Variants in ARHGEF3 observed in about 807,000 individuals in gnomAD.
The protein encoded by ARHGEF3 is 59.8 kDA protein.
ARHGEF3 carries 28 observed loss-of-function variants against 63.2 expected under a neutral mutation model. The observed-to-expected ratio is 0.44, with a 90% confidence interval of 0.33 to 0.61. The LOEUF is 0.61. ARHGEF3 is among the 20% of genes least tolerant of loss of function. The probability of loss-of-function intolerance (pLI) is 0.03; values close to 1 mark genes in which losing one functional copy is unlikely to be tolerated. For missense variants in ARHGEF3, 533 were observed against 659.3 expected (o/e 0.81, Z 2.10); for synonymous variants, 266 against 254.2 (o/e 1.05, Z -0.44).
intron 2 of ARHGEF3, among the ~76,000 whole-genome samples, chr3:56,996,680 A>G (rs1425740989): frequency 1.3e-5 from 2 of 152,090 alleles, no homozygotes; most frequent in Non-Finnish European, 2.9e-5. Context: ...TCTCTTTATG[A>G]TGTATTGCTA....
chr3:56,772,505 G>A (rs2107835910), intron 2 of ARHGEF3, among the ~76,000 whole-genome samples: 1 of 152,312 alleles, frequency 6.6e-6, no homozygotes, highest in Admixed American at 6.5e-5. Context: ...ATACATGGCA[G>A]ACTCAAGACT....
chr3:56,867,654 A>T (rs1365777967), intron 4 of ARHGEF3, among the ~76,000 whole-genome samples: 1 of 151,984 alleles, frequency 6.6e-6, no homozygotes, highest in African/African-American at 2.4e-5. Context: ...TATTTTTCAT[A>T]GAGACAGGGT....
chr3:56,845,677 C>T (rs1311338721), intron 4 of ARHGEF3, among the ~76,000 whole-genome samples: 1 of 152,144 alleles, frequency 6.6e-6, no homozygotes, highest in Non-Finnish European at 1.5e-5. Flanking sequence ...AGTCAGCAGG[C>T]CCTAACTTCA....
intron 3 of ARHGEF3, among the ~76,000 whole-genome samples, chr3:56,945,275 A>G (rs1345030219): frequency 2.0e-5 from 3 of 152,064 alleles, no homozygotes; most frequent in South Asian, 4.2e-4. Flanking sequence ...TGGGTGCAGG[A>G]CAGTGGATGC....
At chr3:56,741,334 C>T (rs1428434215) in intron 7 of ARHGEF3, among the ~76,000 whole-genome samples, 2 of 150,106 alleles carry the variant, frequency 1.3e-5, no homozygotes, top group African/African-American at 2.5e-5. Flanking sequence ...TACAGGCATG[C>T]ACCACCATGC....
At chr3:56,971,717 G>A (rs1240471475) in intron 2 of ARHGEF3, among the ~76,000 whole-genome samples, 4 of 151,956 alleles carry the variant, frequency 2.6e-5, no homozygotes, top group Non-Finnish European at 5.9e-5. Context: ...TAGTGGGCAT[G>A]GTGGCGGGCA....
chr3:56,758,900 CA>C, intron 2 of ARHGEF3, among the ~76,000 whole-genome samples: 1 of 152,278 alleles, frequency 6.6e-6, no homozygotes, highest in South Asian at 2.1e-4. Flanking sequence ...GAAACACACA[CA>C]AAAACTTCAA....
At chr3:57,037,983 G>A (rs1032284853) in intron 1 of ARHGEF3, among the ~76,000 whole-genome samples, 2 of 152,276 alleles carry the variant, frequency 1.3e-5, no homozygotes, top group East Asian at 1.9e-4. Context: ...AAGGATGCCC[G>A]AGGGCCTGAC....
At chr3:56,957,853 A>G (rs1244663342) in intron 3 of ARHGEF3, among the ~76,000 whole-genome samples, 2 of 152,192 alleles carry the variant, frequency 1.3e-5, no homozygotes, top group Non-Finnish European at 2.9e-5. Context: ...CTACAGATGC[A>G]AGTTTTGCTC....
intron 3 of ARHGEF3, among the ~76,000 whole-genome samples, chr3:56,934,907 T>C (rs2042517281): frequency 2.0e-5 from 3 of 152,220 alleles, no homozygotes; most frequent in South Asian, 4.1e-4. Context: ...CGGGATCCAC[T>C]AGGTGAAGCC....
intron 1 of ARHGEF3, among the ~76,000 whole-genome samples, chr3:56,796,375 T>C (rs79441030): frequency 0.011 from 1,730 of 152,272 alleles, 73 homozygotes; most frequent in East Asian, 0.1. Flanking sequence ...ACAGAAGGCT[T>C]GTGGTTAATA....
intron 2 of ARHGEF3, among the ~76,000 whole-genome samples, chr3:57,002,514 G>GTTATATATATATATATA (rs1702285956): frequency 2.1e-5 from 1 of 47,836 alleles, no homozygotes; most frequent in Non-Finnish European, 4.6e-5. Context: ...ATATATATAT[G>GTTATATATATATATATA]TTATATATGT....
chr3:57,046,786 G>T (rs1278415489), intron 1 of ARHGEF3, among the ~76,000 whole-genome samples: 1 of 152,168 alleles, frequency 6.6e-6, no homozygotes, highest in East Asian at 1.9e-4. Context: ...TGTGGGGCCT[G>T]TACAGGGAGT....
chr3:57,045,871 C>G (rs1704431297), intron 1 of ARHGEF3, among the ~76,000 whole-genome samples: 1 of 152,176 alleles, frequency 6.6e-6, no homozygotes, highest in Non-Finnish European at 1.5e-5. Flanking sequence ...GATCCTGCAC[C>G]AAACAGGGCA....
intron 4 of ARHGEF3, among the ~76,000 whole-genome samples, chr3:56,863,118 A>G (rs2040133296): frequency 6.6e-6 from 1 of 152,006 alleles, no homozygotes; most frequent in African/African-American, 2.4e-5. Context: ...ATCTCCTATT[A>G]TTAAACCAAC....
At chr3:56,842,970 T>G (rs1481079949) in intron 4 of ARHGEF3, among the ~76,000 whole-genome samples, 1 of 152,196 alleles carries the variant, frequency 6.6e-6, no homozygotes, top group Admixed American at 6.5e-5. Context: ...TTCAATATTT[T>G]ACTTAAAAAA....
chr3:56,896,080 A>C (rs934222123), intron 3 of ARHGEF3, among the ~76,000 whole-genome samples: 13 of 152,192 alleles, frequency 8.5e-5, no homozygotes, highest in Non-Finnish European at 1.8e-4. Context: ...AGATTCCCTG[A>C]AGAGGAACAA....
In ARHGEF3 at chr3:56,907,512, A is replaced by C. The variant is rs924069980; in HGVS notation, c.130-25158T>G. 2.6e-5 allele frequency among the ~76,000 whole-genome samples: 4 copies of C among 152,228 alleles called. No individual in the cohort carries two copies. The East Asian group carries it at 7.7e-4, about 29-fold the overall frequency. Reference sequence around the variant, plus strand: ...TATCATTCAACCCAGCAATCCCATTACTGGGTATATACCCAAAGGGATATA... The same window carrying C: ...TATCATTCAACCCAGCAATCCCATTCCTGGGTATATACCCAAAGGGATATA... On this transcript the variant is annotated intron_variant, in intron 3 of 12. Transcript: ENST00000338458.
intron 1 of ARHGEF3, among the ~76,000 whole-genome samples, chr3:57,042,696 A>ATTTTTTT (rs1560156436): frequency 6.0e-5 from 2 of 33,546 alleles, no homozygotes; most frequent in Non-Finnish European, 1.3e-4. Context: ...ATATATATAT[A>ATTTTTTT]TATATTTTTT....
Sources: allele counts gnomAD v4.1 joint callset (sites outside exome capture counted in the v4.1 genomes callset), GRCh38; gene constraint gnomAD v4.1.1; transcripts MANE v1.5; gene names NCBI Gene and HGNC (gene_info 2026-07-23, HGNC 2026-07-21).